The following EMC3 variants were observed in gnomAD, a reference collection of about 807,000 sequenced individuals.
The protein encoded by EMC3 is ER membrane protein complex subunit 3.
Under a neutral mutation model 36.6 loss-of-function variants are expected in EMC3, and 13 were observed. That is an observed-to-expected ratio of 0.35 (90% CI 0.23 to 0.56). The LOEUF (loss-of-function observed/expected upper bound fraction) is 0.56, where lower values mean the gene tolerates loss of function less well. EMC3 is among the 20% of genes least tolerant of loss of function. The pLI is 0.84. For missense variants in EMC3, 220 were observed against 324.5 expected (o/e 0.68, Z 2.47); for synonymous variants, 120 against 111.9 (o/e 1.07, Z -0.46).
At position 9,964,011 on chromosome 3, in the gene EMC3, A is replaced by T. The variant is rs1166625529; in HGVS notation, c.*58T>A. 6.3e-7 allele frequency: 1 copy of T among 1,593,680 alleles called. No homozygotes were observed. The highest frequency in any genetic ancestry group is 8.5e-7 in the Non-Finnish European group (1 of 1,169,642). ...TTTCAAGAGGTGCCAGCTCCAAACAAAGTTACAAGGTTAAGTGCAACTCCA... is the reference window on the plus strand; with the variant it reads ...TTTCAAGAGGTGCCAGCTCCAAACATAGTTACAAGGTTAAGTGCAACTCCA... On this transcript the variant is annotated 3_prime_UTR_variant, in exon 8 of 8. Coordinates refer to ENST00000245046, the MANE Select transcript of EMC3 (RefSeq NM_001394674.1).
At chr3:9,967,833 A>C (rs1347776042) in intron 7 of EMC3, among the ~76,000 whole-genome samples, 1 of 152,250 alleles carries the variant, frequency 6.6e-6, no homozygotes, top group Admixed American at 6.5e-5. Flanking sequence ...CCAATCTATG[A>C]ACATGGATGT....
In EMC3 at chr3:9,964,279, C is replaced by T. The variant is rs1484261365; in HGVS notation, c.658-82G>A. ...GGCTAACCTTTAGTGACCACTTACT[C>T]TGGGCCAAAAGCTGGAGTGAGCTAT... On this transcript the variant is annotated intron_variant, in intron 7 of 7. Coordinates refer to ENST00000245046, the MANE Select transcript of EMC3 (RefSeq NM_001394674.1). The T allele has an allele frequency of 3.0e-5, 46 of 1,559,284 alleles. 1 individual carries two copies. The Admixed American group carries it at 8.5e-4, about 29-fold the overall frequency.
intron 1 of EMC3, among the ~76,000 whole-genome samples, chr3:9,998,365 C>CT (rs1553604398): frequency 3.5e-4 from 19 of 54,388 alleles, no homozygotes; most frequent in South Asian, 1.3e-3. Context: ...GACTCTGTCT[C>CT]AAATAATAAT....
chr3:10,009,256 C>G (rs1323943174), intron 1 of EMC3: 47 of 152,188 alleles, frequency 3.1e-4, no homozygotes, highest in Admixed American at 3.1e-3. Context: ...AGCAGCTGCT[C>G]CAGAGCCTGG....
intron 1 of EMC3, among the ~76,000 whole-genome samples, chr3:9,997,745 C>G (rs1236608022): frequency 6.6e-6 from 1 of 152,098 alleles, no homozygotes; most frequent in Admixed American, 6.6e-5. Flanking sequence ...CAGGCGTGAG[C>G]CACTGCGCCC....
At chr3:9,969,317 A>G (rs925448192) in intron 7 of EMC3, 8 of 1,108,994 alleles carry the variant, frequency 7.2e-6, no homozygotes, top group Middle Eastern at 8.5e-4. Context: ...TTGTCCCACA[A>G]AAATCATACT....
At chr3:9,964,261 C>A in intron 7 of EMC3, 64 bp from the exon 8 acceptor site, 1 of 1,587,842 alleles carries the variant, frequency 6.3e-7, no homozygotes. Context: ...TGTGGCTAAC[C>A]TTTAGTGACC....
At chr3:9,998,842 C>T (rs1230708397) in intron 1 of EMC3, among the ~76,000 whole-genome samples, 2 of 151,842 alleles carry the variant, frequency 1.3e-5, no homozygotes, top group African/African-American at 2.4e-5. Flanking sequence ...CTGCAACCTC[C>T]ACTTCCGAGG....
chr3:9,969,274 C>T, intron 7 of EMC3: 1 of 1,063,696 alleles, frequency 9.4e-7, no homozygotes, highest in Non-Finnish European at 1.2e-6. Context: ...CTTCCCTTCT[C>T]TTTTAGTTTC....
At chr3:9,969,825 T>G in intron 6 of EMC3, 24 bp from the exon 7 acceptor site, 2 of 1,611,756 alleles carry the variant, frequency 1.2e-6, no homozygotes, top group Non-Finnish European at 1.7e-6. Flanking sequence ...CACACTTACA[T>G]GAGTGCCAGG....
In EMC3 at chr3:9,982,364, C is replaced by T. The variant is rs1000305352; in HGVS notation, c.155+4143G>A. Among the ~76,000 whole-genome samples the T allele has an allele frequency of 3.9e-5, 6 of 152,296 alleles. No individual in the cohort carries two copies. In the East Asian group the frequency reaches 1.2e-3, roughly 29 times the overall value. On this transcript the variant is annotated intron_variant, in intron 1 of 7. Coordinates refer to ENST00000245046, the MANE Select transcript of EMC3 (RefSeq NM_001394674.1). Reference sequence around the variant, plus strand: ...CTGCCTCCCAGTTCAAGCGATTCTCCTGCCTCAGCCTCCCGAGTAGCTGGG... The same window carrying T: ...CTGCCTCCCAGTTCAAGCGATTCTCTTGCCTCAGCCTCCCGAGTAGCTGGG...
At chr3:9,986,943 C>T (rs936040859), upstream of EMC3, 2 of 1,202,178 alleles carry the variant, frequency 1.7e-6, no homozygotes, top group Middle Eastern at 3.5e-4. Flanking sequence ...GGCCCAGGCT[C>T]GGTGGCTCAC....
At chr3:9,975,506 TAA>T (rs34914002) in intron 3 of EMC3, among the ~76,000 whole-genome samples, 60 of 134,858 alleles carry the variant, frequency 4.4e-4, no homozygotes, top group Non-Finnish European at 4.7e-4. Context: ...CTTACTGGGC[TAA>T]AAAAAAAAAA....
At chr3:9,987,318 C>CTAA (rs2085988596), upstream of EMC3, 12 of 985,544 alleles carry the variant, frequency 1.2e-5, no homozygotes, top group African/African-American at 1.7e-5. Context: ...CCCCTGCGAC[C>CTAA]TAATCTCTTA....
chr3:9,992,775 G>A, intron 1 of EMC3: 1 of 768,270 alleles, frequency 1.3e-6, no homozygotes, highest in South Asian at 1.7e-5. Flanking sequence ...GAACAAATGA[G>A]CATCATCCAT....
intron 7 of EMC3, among the ~76,000 whole-genome samples, chr3:9,965,414 C>CTAGATAGA (rs1553602387): frequency 1.0e-5 from 1 of 100,234 alleles, no homozygotes; most frequent in African/African-American, 4.2e-5. Flanking sequence ...CAGTGAGACC[C>CTAGATAGA]TCGATAGATA....
chr3:9,996,137 C>T (rs534431481), intron 1 of EMC3, among the ~76,000 whole-genome samples: 2 of 152,314 alleles, frequency 1.3e-5, no homozygotes, highest in Admixed American at 6.5e-5. Context: ...GTGAACTTCA[C>T]GTGGGCTTGC....
intron 3 of EMC3, among the ~76,000 whole-genome samples, chr3:9,975,320 C>T (rs532301058): frequency 2.4e-4 from 36 of 152,152 alleles, no homozygotes; most frequent in African/African-American, 7.5e-4. Flanking sequence ...TATGTGTTTC[C>T]GTAAGAGAAT....
chr3:9,977,942 T>C (rs1392465396), intron 1 of EMC3, among the ~76,000 whole-genome samples: 1 of 151,914 alleles, frequency 6.6e-6, no homozygotes, highest in African/African-American at 2.4e-5. Context: ...AAGCTCTCAG[T>C]AAACATTTAT....
Sources: gnomAD v4.1 joint callset for allele counts (sites outside exome capture counted in the v4.1 genomes callset) on GRCh38, gnomAD v4.1.1 for gene constraint, MANE v1.5 for transcripts, NCBI Gene and HGNC (gene_info 2026-07-23, HGNC 2026-07-21) for gene names.